The following CHRM2 variants were observed in gnomAD, a reference collection of about 807,000 sequenced individuals.
CHRM2 encodes cholinergic receptor muscarinic 2, also known as muscarinic acetylcholine receptor M2.
CHRM2 carries 8 observed loss-of-function variants against 25.0 expected under a neutral mutation model. The observed-to-expected ratio is 0.32, with a 90% CI of 0.19 to 0.58. The LOEUF is 0.58. CHRM2 is among the 20% of genes least tolerant of loss of function. The probability of loss-of-function intolerance (pLI) is 0.88; values close to 1 mark genes in which losing one functional copy is unlikely to be tolerated. For missense variants in CHRM2, 440 were observed against 567.1 expected (o/e 0.78, Z 2.28); for synonymous variants, 202 against 205.7 (o/e 0.98, Z 0.15).
chr7:136,996,870 T>G (rs1375253313), intron 3 of CHRM2, among the ~76,000 whole-genome samples: 3 of 152,172 alleles, frequency 2.0e-5, no homozygotes, highest in Non-Finnish European at 4.4e-5. Flanking sequence ...TCCACAAACA[T>G]GTTTTGCTGG....
rs1004341044 is a variant in CHRM2 at position 137,016,567 on chromosome 7, A to C, written c.*301A>C. Reference sequence around the variant, plus strand: ...CTTGAAGAAGGGCTTCTGATTCTACAATTTTATCAGTCTCTGCACAAGAGG... The same window carrying C: ...CTTGAAGAAGGGCTTCTGATTCTACCATTTTATCAGTCTCTGCACAAGAGG... On this transcript the variant is annotated 3_prime_UTR_variant, in exon 4 of 4. Coordinates refer to ENST00000680005, the MANE Select transcript of CHRM2 (RefSeq NM_001006630.2). The C allele has an allele frequency of 8.3e-6, 3 of 360,568 alleles. No homozygotes were observed. Among genetic ancestry groups the C allele is most frequent in the Non-Finnish European group, 1.6e-5 (3 of 184,732 alleles). 22.3% of individuals were successfully genotyped at this position (360,568 alleles called of 1,614,324 possible).
At chr7:137,010,066 C>G (rs891932790) in intron 3 of CHRM2, among the ~76,000 whole-genome samples, 18 of 152,004 alleles carry the variant, frequency 1.2e-4, no homozygotes, top group African/African-American at 4.1e-4. Flanking sequence ...GAGACATTAT[C>G]TCACTTTCAT....
chr7:136,934,337 T>G (rs1258157116), intron 2 of CHRM2, among the ~76,000 whole-genome samples: 1 of 152,130 alleles, frequency 6.6e-6, no homozygotes, highest in Non-Finnish European at 1.5e-5. Flanking sequence ...TTCTATTTTT[T>G]ATTCTTATGT....
intron 2 of CHRM2, among the ~76,000 whole-genome samples, chr7:136,961,875 C>T (rs988113361): frequency 2.0e-5 from 3 of 152,098 alleles, no homozygotes; most frequent in Non-Finnish European, 4.4e-5. Context: ...GAGAAGGAGA[C>T]GTGGGGAGGA....
At chr7:136,887,973 T>C (rs965059663) in intron 2 of CHRM2, among the ~76,000 whole-genome samples, 2 of 152,090 alleles carry the variant, frequency 1.3e-5, no homozygotes, top group African/African-American at 4.8e-5. Context: ...AAGGCAGAAC[T>C]GGAGGAAAAC....
At chr7:136,971,860 G>C (rs1291641110) in intron 2 of CHRM2, among the ~76,000 whole-genome samples, 1 of 152,082 alleles carries the variant, frequency 6.6e-6, no homozygotes. Context: ...AGAATCTTTT[G>C]ATACTTATTC....
intron 2 of CHRM2, among the ~76,000 whole-genome samples, chr7:136,960,988 C>T (rs545157724): frequency 8.2e-4 from 124 of 152,112 alleles, no homozygotes; most frequent in African/African-American, 2.8e-3. Context: ...ATTAGCCAGG[C>T]GTGGTGGCAG....
At chr7:136,898,168 G>T (rs532973996) in intron 2 of CHRM2, among the ~76,000 whole-genome samples, 1 of 152,070 alleles carries the variant, frequency 6.6e-6, no homozygotes, top group South Asian at 2.1e-4. Flanking sequence ...TTATAAAATA[G>T]TTTTATGTAT....
intron 3 of CHRM2, among the ~76,000 whole-genome samples, chr7:137,010,068 C>G (rs1391389157): frequency 6.6e-6 from 1 of 151,992 alleles, no homozygotes; most frequent in Non-Finnish European, 1.5e-5. Flanking sequence ...GACATTATCT[C>G]ACTTTCATCC....
chr7:136,930,898 CAAA>C (rs57705639), intron 2 of CHRM2, among the ~76,000 whole-genome samples: 56 of 61,142 alleles, frequency 9.2e-4, no homozygotes, highest in South Asian at 5.1e-3. Context: ...CTCATTCTCT[CAAA>C]AAAAAAAAAA....
intron 2 of CHRM2, among the ~76,000 whole-genome samples, chr7:136,970,715 AATT>A (rs1801707593): frequency 6.6e-6 from 1 of 152,182 alleles, no homozygotes; most frequent in Non-Finnish European, 1.5e-5. Flanking sequence ...AGTTTTTCAA[AATT>A]ATTTACTCTT....
intron 2 of CHRM2, among the ~76,000 whole-genome samples, chr7:136,909,079 T>A (rs1271995954): frequency 6.6e-6 from 1 of 151,936 alleles, no homozygotes; most frequent in Non-Finnish European, 1.5e-5. Context: ...TATGTGATAA[T>A]ATGTTTCATA....
chr7:136,924,705 C>T (rs913619050), intron 2 of CHRM2, among the ~76,000 whole-genome samples: 7 of 152,100 alleles, frequency 4.6e-5, no homozygotes, highest in African/African-American at 1.7e-4. Flanking sequence ...CCCTCTGCTG[C>T]CAGTGGTCAC....
chr7:136,951,598 ATGAAAAGGG>A (rs1205349122), intron 2 of CHRM2, among the ~76,000 whole-genome samples: 1 of 152,174 alleles, frequency 6.6e-6, no homozygotes, highest in Non-Finnish European at 1.5e-5. Context: ...TGGGAAGAGG[ATGAAAAGGG>A]ATGATTCGCT....
At chr7:136,985,347 T>A (rs185569686) in intron 2 of CHRM2, among the ~76,000 whole-genome samples, 2 of 151,656 alleles carry the variant, frequency 1.3e-5, no homozygotes, top group East Asian at 3.9e-4. Context: ...CCGTCTCTAC[T>A]AAAAATACAA....
At chr7:136,992,497 T>C (rs1049806029) in intron 3 of CHRM2, among the ~76,000 whole-genome samples, 9 of 152,162 alleles carry the variant, frequency 5.9e-5, no homozygotes, top group Admixed American at 2.6e-4. Context: ...CTAAGAACTA[T>C]TTGTTATTCC....
chr7:136,936,709 A>C (rs1799432025), intron 2 of CHRM2, among the ~76,000 whole-genome samples: 1 of 152,150 alleles, frequency 6.6e-6, no homozygotes, highest in Non-Finnish European at 1.5e-5. Flanking sequence ...AATTTTCTAA[A>C]TTTTCTTTAA....
At chr7:136,917,086 G>T (rs13233064) in intron 2 of CHRM2, among the ~76,000 whole-genome samples, 12 of 150,976 alleles carry the variant, frequency 7.9e-5, no homozygotes, top group Middle Eastern at 3.4e-3. Flanking sequence ...AAATAAGCGT[G>T]TTATGAATTT....
chr7:137,017,872 C>T lies in CHRM2; in HGVS notation c.*1606C>T, dbSNP rs1019263961. The T allele has an allele frequency of 5.3e-5, 8 of 151,720 alleles. No homozygotes were observed. Among genetic ancestry groups the T allele is most frequent in the African/African-American group, 1.2e-4 (5 of 41,350 alleles). The allele number at this position is 151,720 out of a possible 1,614,324, so 9.4% of individuals were successfully genotyped here. On this transcript the variant is annotated 3_prime_UTR_variant, in exon 4 of 4. Coordinates refer to ENST00000680005, the MANE Select transcript of CHRM2 (RefSeq NM_001006630.2). ...GCCACGTAGAGATTTTTTATTTGGT[C>T]GTCTAAATAAATATAGGATTAGGAT...
Sources: gnomAD v4.1 joint callset for allele counts (sites outside exome capture counted in the v4.1 genomes callset) on GRCh38, gnomAD v4.1.1 for gene constraint, MANE v1.5 for transcripts, NCBI Gene and HGNC (gene_info 2026-07-23, HGNC 2026-07-21) for gene names.